ERMARD: variants seen among roughly 807,000 people sequenced by gnomAD.
The protein encoded by ERMARD is ER membrane associated RNA degradation, also known as endoplasmic reticulum membrane-associated RNA degradation protein.
Under a neutral mutation model 83.9 loss-of-function variants are expected in ERMARD, and 71 were observed. The observed-to-expected ratio is 0.85, with a 90% CI of 0.70 to 1.03. ERMARD has a LOEUF of 1.03. Ranked by LOEUF, ERMARD falls within the 50% of genes least tolerant of loss-of-function variation. ERMARD has a pLI of 0.00. For missense variants in ERMARD, 838 were observed against 810.9 expected (o/e 1.03, Z -0.41); for synonymous variants, 284 against 298.6 (o/e 0.95, Z 0.50).
intron 12 of ERMARD, among the ~76,000 whole-genome samples, chr6:169,770,229 A>T (rs948311808): frequency 6.6e-6 from 1 of 152,254 alleles, no homozygotes; most frequent in African/African-American, 2.4e-5. Flanking sequence ...TGTGAAAAGT[A>T]AGAGCCCTCA....
Position 169,758,951 on chromosome 6 carries a change from A to G in ERMARD, c.508-17A>G. On this transcript the variant is annotated splice_polypyrimidine_tract_variant and intron_variant, in intron 5 of 17. Transcript: ENST00000366773. ...AGTAATTCAGTATAATTAACTATGTAATGATTTGCGGATTAGATGAATGTG... is the reference window on the plus strand; with the variant it reads ...AGTAATTCAGTATAATTAACTATGTGATGATTTGCGGATTAGATGAATGTG... The G allele has an allele frequency of 6.3e-7, 1 of 1,599,728 alleles. No homozygotes were observed.
intron 3 of ERMARD, 66 bp downstream of exon 3, chr6:169,755,488 T>C (rs750684012): frequency 6.3e-6 from 10 of 1,576,618 alleles, no homozygotes; most frequent in Non-Finnish European, 8.6e-6. Context: ...GACGTACTAT[T>C]TGCCAATTTT....
chr6:169,760,111 T>G, intron 7 of ERMARD, 137 bp downstream of exon 7: 1 of 1,462,778 alleles, frequency 6.8e-7, no homozygotes, highest in Non-Finnish European at 9.1e-7. Flanking sequence ...TCAGAGTTGC[T>G]TGAAGAACCT....
In ERMARD at chr6:169,781,360, G is replaced by C; in HGVS notation, c.1884G>C (p.Glu628Asp). The C allele has an allele frequency of 6.2e-7, 1 of 1,610,884 alleles. No homozygotes were observed. The highest frequency in any genetic ancestry group is 8.5e-7 in the Non-Finnish European group (1 of 1,179,346). ...TAAAGTCGATCTTGCAGTACACGGA[G>C]AACCTGGTGGCTTACACCAGTTACG... ...KFVKSILQYTENLVAYTSYEK... is the reference protein window; with the variant it reads ...KFVKSILQYTDNLVAYTSYEK... Residue 628 changes from glutamate to aspartate, a missense_variant, in exon 18 of 18, where the codon GAG becomes GAC. Coordinates refer to ENST00000366773, the MANE Select transcript of ERMARD (RefSeq NM_018341.3).
chr6:169,751,617 C>G (rs929129653), upstream of ERMARD: 6 of 1,581,866 alleles, frequency 3.8e-6, no homozygotes, highest in African/African-American at 1.3e-5. Flanking sequence ...CGCGCAGGCG[C>G]CTGCGTCATT....
chr6:169,765,845 A>C (rs913597571), intron 9 of ERMARD, among the ~76,000 whole-genome samples: 1 of 152,182 alleles, frequency 6.6e-6, no homozygotes, highest in Admixed American at 6.5e-5. Flanking sequence ...GCCACCGTGC[A>C]GCCAATCCTC....
chr6:169,756,677 G>A, intron 4 of ERMARD, 42 bp from the exon 5 acceptor site: 1 of 1,527,684 alleles, frequency 6.5e-7, no homozygotes, highest in Non-Finnish European at 9.1e-7. Flanking sequence ...ATGTTTATTG[G>A]CTCATAATAC....
chr6:169,764,602 AC>A (rs1189001651), intron 9 of ERMARD, among the ~76,000 whole-genome samples: 1 of 151,788 alleles, frequency 6.6e-6, no homozygotes. Context: ...TGATATTCTT[AC>A]GTTATTTATG....
Position 169,773,503 on chromosome 6 carries a change from C to CT in ERMARD, c.1317+104dup, listed in dbSNP as rs1342554933. On this transcript the variant is annotated intron_variant, in intron 13 of 17. Transcript: ENST00000366773. ...GGTGCAGTTTGCTTGCTGAGTCAGA[C>CT]TTTGAGTTGGGCAGATCCAGCTTTT... 28 of 1,185,602 alleles carry CT rather than the reference C, an allele frequency of 2.4e-5. No homozygotes were observed. In the Admixed American group the frequency reaches 2.4e-4, roughly 10 times the overall value. 73.4% of individuals were successfully genotyped at this position (1,185,602 alleles called of 1,614,324 possible).
At chr6:169,751,592 C>A, upstream of ERMARD, 4 of 1,598,360 alleles carry the variant, frequency 2.5e-6, no homozygotes, top group East Asian at 2.3e-5. Context: ...GGCTCCAAAG[C>A]GCCTGGAGGA....
At chr6:169,760,516 C>T in intron 7 of ERMARD, 126 bp from the exon 8 acceptor site, 1 of 666,266 alleles carries the variant, frequency 1.5e-6, no homozygotes, top group East Asian at 2.8e-5. Flanking sequence ...AACAAGTCCC[C>T]TGCTGCAGGG....
At chr6:169,765,175 G>A (rs927665604) in intron 9 of ERMARD, among the ~76,000 whole-genome samples, 5 of 152,136 alleles carry the variant, frequency 3.3e-5, no homozygotes, top group Admixed American at 1.3e-4. Context: ...AGGGCCATGC[G>A]GTGCAAATAA....
intron 9 of ERMARD, among the ~76,000 whole-genome samples, chr6:169,764,633 ACCT>A (rs1293371893): frequency 6.6e-6 from 1 of 151,338 alleles, no homozygotes; most frequent in Non-Finnish European, 1.5e-5. Context: ...CATTTGTTTA[ACCT>A]CCTCGATGAT....
In ERMARD at chr6:169,776,537, G is replaced by T; in HGVS notation, c.1603G>T (p.Val535Leu). 3 of 1,614,184 alleles carry T rather than the reference G, an allele frequency of 1.9e-6. No homozygotes were observed. Among genetic ancestry groups the T allele is most frequent in the South Asian group, 1.1e-5 (1 of 91,080 alleles). ...CAGGATTGTGCTGGAAGTGCTGGTT[G>T]TGCTCCGAAGCATCAGCGAACAGTG... The part of the protein sequence containing the change: ...CPRIVLEVLV[V>L]LRSISEQCRR... Residue 535 changes from valine to leucine, a missense_variant, in exon 16 of 18, where the codon GTG (valine) becomes TTG (leucine). By Grantham distance (32) the Val-to-Leu change is conservative (BLOSUM62 1). Coordinates refer to ENST00000366773, the MANE Select transcript of ERMARD (RefSeq NM_018341.3).
chr6:169,778,275 T>C (rs1188652706), intron 16 of ERMARD, among the ~76,000 whole-genome samples: 2 of 152,244 alleles, frequency 1.3e-5, no homozygotes, highest in Non-Finnish European at 2.9e-5. Context: ...CCTGTGCTGA[T>C]TTTCATAGAA....
At chr6:169,754,747 T>C (rs1355271059) in intron 2 of ERMARD, among the ~76,000 whole-genome samples, 1 of 152,218 alleles carries the variant, frequency 6.6e-6, no homozygotes, top group East Asian at 1.9e-4. Context: ...TATTTGTAAT[T>C]ACCCTTTGGT....
At chr6:169,762,337 A>C in intron 8 of ERMARD, 92 bp from the exon 9 acceptor site, 1 of 1,210,984 alleles carries the variant, frequency 8.3e-7, no homozygotes, top group Non-Finnish European at 1.2e-6. Context: ...GGCTTCCCAA[A>C]ATGCTGGGAT....
rs913491832 is a variant in ERMARD at position 169,755,406 on chromosome 6, G to A, written c.299G>A (p.Trp100Ter). ...ATTCGATATGCACCGTGGTTCCAGT[G>A]GACAAGTTTTCCAGAGGTTTGGCTT... ...FEIRYAPWFQWTSFPELFPEI... is the reference protein window; with the variant it reads ...FEIRYAPWFQ The change falls in exon 3 of 18, where the codon TGG (tryptophan) becomes TAG (stop). Residue 100 changes from tryptophan (W) to a stop codon, truncating the protein, a stop_gained. Coordinates refer to ENST00000366773, the MANE Select transcript of ERMARD (RefSeq NM_018341.3). LOFTEE classifies it high-confidence loss of function. 1.1e-5 allele frequency: 18 copies of A among 1,614,080 alleles called. No homozygotes were observed. Among genetic ancestry groups the A allele is most frequent in the Non-Finnish European group, 1.5e-5 (18 of 1,179,996 alleles).
rs771939745 is a variant in ERMARD, at chr6:169,759,853, G to T, written c.621G>T (p.Met207Ile). ...TATTTCCTAGATACTGTTCAATGAT[G>T]ATACTGTTGACGGCAGGATTGGGTC... ...EEIPPKYCSM[M>I]ILLTAGLGQL... Residue 207 changes from methionine (M) to isoleucine (I), a missense_variant, in exon 7 of 18, where the codon ATG (methionine) becomes ATT (isoleucine). By Grantham distance (10) the Met-to-Ile change is conservative (BLOSUM62 1). Transcript: ENST00000366773. 1 of 1,614,156 alleles carries T rather than the reference G, an allele frequency of 6.2e-7. No homozygotes were observed. Among genetic ancestry groups the T allele is most frequent in the Non-Finnish European group, 8.5e-7 (1 of 1,179,996 alleles).
Sources: allele counts gnomAD v4.1 joint callset (sites outside exome capture counted in the v4.1 genomes callset), GRCh38; gene constraint gnomAD v4.1.1; transcripts MANE v1.5; gene names NCBI Gene and HGNC (gene_info 2026-07-23, HGNC 2026-07-21).